Variants in ACVR1 observed in about 807,000 individuals in gnomAD.
The protein encoded by ACVR1 is activin A receptor type 1, also known as activin receptor type-1.
A neutral mutation model predicts 57.1 loss-of-function variants in ACVR1; 38 were observed. The observed-to-expected ratio is 0.67, with a 90% CI of 0.51 to 0.87. ACVR1 has a LOEUF of 0.87. ACVR1 is among the 40% of genes least tolerant of loss of function. ACVR1 has a pLI of 0.00. For synonymous variants in ACVR1, 212 were observed against 228.1 expected (o/e 0.93, Z 0.63); for missense variants, 463 against 638.2 (o/e 0.73, Z 2.96).
intron 2 of ACVR1, among the ~76,000 whole-genome samples, chr2:157,807,444 C>T (rs897727411): frequency 3.9e-5 from 6 of 152,134 alleles, no homozygotes; most frequent in African/African-American, 1.2e-4. Flanking sequence ...CAAATAGCCA[C>T]GGTCCACCTG....
intron 2 of ACVR1, among the ~76,000 whole-genome samples, chr2:157,808,468 T>C (rs1687637585): frequency 2.0e-5 from 3 of 152,260 alleles, no homozygotes; most frequent in African/African-American, 7.2e-5. Context: ...AATTAAAAGA[T>C]ATCATTTGTA....
intron 1 of ACVR1, among the ~76,000 whole-genome samples, chr2:157,855,037 C>CA (rs1344885358): frequency 6.6e-6 from 1 of 151,702 alleles, no homozygotes; most frequent in Non-Finnish European, 1.5e-5. Context: ...GACACCATCT[C>CA]AAAAATAAAA....
chr2:157,760,601 TAAAAG>T (rs1474889212), intron 9 of ACVR1, among the ~76,000 whole-genome samples: 1 of 152,132 alleles, frequency 6.6e-6, no homozygotes, highest in Non-Finnish European at 1.5e-5. Flanking sequence ...TTTAAAAATT[TAAAAG>T]AAAAGAAATC....
intron 1 of ACVR1, among the ~76,000 whole-genome samples, chr2:157,856,261 G>A (rs547120580): frequency 4.7e-4 from 72 of 152,142 alleles, no homozygotes; most frequent in Admixed American, 2.1e-3. Flanking sequence ...ATATCCGTGC[G>A]GTCTGCTGTC....
chr2:157,861,729 T>C (rs1689724716), intron 1 of ACVR1, among the ~76,000 whole-genome samples: 1 of 152,218 alleles, frequency 6.6e-6, no homozygotes, highest in Admixed American at 6.5e-5. Flanking sequence ...TTTAATGTAG[T>C]CACAGCTGTC....
At chr2:157,760,678 A>G (rs1398270077) in intron 9 of ACVR1, among the ~76,000 whole-genome samples, 1 of 152,224 alleles carries the variant, frequency 6.6e-6, no homozygotes, top group East Asian at 1.9e-4. Context: ...CTGGTTTTCA[A>G]CCATCACTTA....
At chr2:157,831,571 G>C in intron 1 of ACVR1, among the ~76,000 whole-genome samples, 1 of 152,216 alleles carries the variant, frequency 6.6e-6, no homozygotes. Flanking sequence ...CAAGTGGGCA[G>C]AGTAAAGTGA....
chr2:157,841,242 G>C (rs1037842332), intron 1 of ACVR1, among the ~76,000 whole-genome samples: 1 of 152,050 alleles, frequency 6.6e-6, no homozygotes, highest in African/African-American at 2.4e-5. Context: ...AGAATACACA[G>C]GCTCAAAATT....
At chr2:157,839,338 T>C (rs1370915598) in intron 1 of ACVR1, among the ~76,000 whole-genome samples, 1 of 152,178 alleles carries the variant, frequency 6.6e-6, no homozygotes, top group East Asian at 1.9e-4. Flanking sequence ...ATGAATGCTG[T>C]CAGATAAGGA....
chr2:157,767,316 G>A (rs1685903206), intron 7 of ACVR1, among the ~76,000 whole-genome samples: 1 of 152,178 alleles, frequency 6.6e-6, no homozygotes, highest in Admixed American at 6.5e-5. Context: ...TTACAAGCGT[G>A]AGACATCGCG....
At chr2:157,871,262 G>T (rs1002025218) in intron 1 of ACVR1, among the ~76,000 whole-genome samples, 6 of 152,276 alleles carry the variant, frequency 3.9e-5, no homozygotes, top group African/African-American at 1.4e-4. Context: ...CTGTCGAAAG[G>T]CAAAATGGCA....
intron 2 of ACVR1, among the ~76,000 whole-genome samples, chr2:157,812,260 G>A (rs1687776363): frequency 6.6e-6 from 1 of 152,124 alleles, no homozygotes; most frequent in African/African-American, 2.4e-5. Context: ...AATCTAGCAA[G>A]AAAGAAGCTG....
At position 157,738,485 on chromosome 2, in the gene ACVR1, C is replaced by T. The variant is rs777678249; in HGVS notation, c.1350G>A (p.Val450=). Residue 450 remains valine (V), a synonymous_variant, in exon 10 of 11, where the codon GTG becomes GTA. Coordinates refer to ENST00000434821, the MANE Select transcript of ACVR1 (RefSeq NM_001111067.4). The part of the protein sequence containing the change: ...SFEDMRKVVC[V]DQQRPNIPNR... Reference sequence around the variant, plus strand: ...TGGGTATGTTTGGCCTTTGTTGATCCACACAGACTACCTTCCTCATATCTT... The same window carrying T: ...TGGGTATGTTTGGCCTTTGTTGATCTACACAGACTACCTTCCTCATATCTT... 12 of 1,613,810 alleles carry T rather than the reference C, an allele frequency of 7.4e-6. No homozygotes were observed. In the Admixed American group the frequency reaches 1.2e-4, roughly 16 times the overall value.
chr2:157,762,024 G>A (rs1249956127), intron 8 of ACVR1, among the ~76,000 whole-genome samples: 1 of 152,160 alleles, frequency 6.6e-6, no homozygotes, highest in Admixed American at 6.5e-5. Context: ...ACATCAGGGA[G>A]CTAGCACACC....
At chr2:157,840,618 A>C (rs1013170417) in intron 1 of ACVR1, among the ~76,000 whole-genome samples, 4 of 152,214 alleles carry the variant, frequency 2.6e-5, no homozygotes, top group African/African-American at 9.6e-5. Flanking sequence ...ACCTGTTATA[A>C]ATCTTAACCT....
intron 1 of ACVR1, among the ~76,000 whole-genome samples, chr2:157,825,987 A>G (rs1688334093): frequency 6.6e-6 from 1 of 152,182 alleles, no homozygotes; most frequent in East Asian, 1.9e-4. Context: ...GCAGCACTCC[A>G]GCTCTCCTCA....
intron 1 of ACVR1, among the ~76,000 whole-genome samples, chr2:157,852,859 G>A (rs1689369632): frequency 6.6e-6 from 1 of 152,162 alleles, no homozygotes. Flanking sequence ...ACTAGGTACT[G>A]AGAGTTCAGC....
intron 9 of ACVR1, among the ~76,000 whole-genome samples, chr2:157,750,890 G>T (rs1022522499): frequency 2.0e-5 from 3 of 151,600 alleles, no homozygotes; most frequent in East Asian, 1.9e-4. Context: ...AAAGAAATGG[G>T]TATCATTAAA....
intron 9 of ACVR1, among the ~76,000 whole-genome samples, chr2:157,748,057 AAAT>A (rs1685040398): frequency 6.6e-6 from 1 of 152,194 alleles, no homozygotes; most frequent in Non-Finnish European, 1.5e-5. Flanking sequence ...TTTCTTCCAA[AAAT>A]AATGTTAAAC....
Sources: gnomAD v4.1 joint callset for allele counts (sites outside exome capture counted in the v4.1 genomes callset) on GRCh38, gnomAD v4.1.1 for gene constraint, MANE v1.5 for transcripts, NCBI Gene and HGNC (gene_info 2026-07-23, HGNC 2026-07-21) for gene names.